PTPRM: variants seen among roughly 807,000 people sequenced by gnomAD.
PTPRM encodes the protein receptor-type tyrosine-protein phosphatase mu.
PTPRM carries 47 observed loss-of-function variants against 186.7 expected under a neutral mutation model. The ratio of observed to expected loss-of-function variants is 0.25; its 90% CI spans 0.20 to 0.32. The LOEUF is 0.32. Ranked by LOEUF, PTPRM falls within the 10% of genes least tolerant of loss-of-function variation. PTPRM has a pLI of 1.00. For missense variants in PTPRM, 1,494 were observed against 1,865.0 expected, an observed-to-expected ratio of 0.80 and a Z score of 3.66; for synonymous variants, 668 against 674.9, an observed-to-expected ratio of 0.99 and a Z score of 0.16.
intron 9 of PTPRM, among the ~76,000 whole-genome samples, chr18:8,081,981 A>C (rs1024182740): frequency 3.9e-5 from 6 of 152,152 alleles, no homozygotes; most frequent in African/African-American, 1.4e-4. Context: ...CAAGGCTTTC[A>C]GCAAGTCCAA....
At chr18:8,077,816 C>T (rs552922398) in intron 9 of PTPRM, among the ~76,000 whole-genome samples, 118 of 152,178 alleles carry the variant, frequency 7.8e-4, no homozygotes, top group Non-Finnish European at 1.5e-3. Flanking sequence ...ATGTTGCTAT[C>T]TAGACAGACA....
intron 7 of PTPRM, among the ~76,000 whole-genome samples, chr18:7,999,146 A>C (rs2083719166): frequency 6.6e-6 from 1 of 152,164 alleles, no homozygotes; most frequent in Admixed American, 6.6e-5. Context: ...GAGTGCACTC[A>C]CATAGCCCCA....
intron 14 of PTPRM, among the ~76,000 whole-genome samples, chr18:8,235,827 G>C (rs1303600975): frequency 3.3e-5 from 5 of 151,282 alleles, no homozygotes; most frequent in Non-Finnish European, 5.9e-5. Context: ...TTTCTTTTTT[G>C]ACCTGTGTTT....
At chr18:8,018,992 A>G (rs2085047336) in intron 7 of PTPRM, among the ~76,000 whole-genome samples, 1 of 152,214 alleles carries the variant, frequency 6.6e-6, no homozygotes, top group Non-Finnish European at 1.5e-5. Context: ...ATAACATCCA[A>G]AACCAGTATA....
At chr18:7,837,646 G>C (rs2046118280) in intron 2 of PTPRM, among the ~76,000 whole-genome samples, 2 of 151,948 alleles carry the variant, frequency 1.3e-5, no homozygotes, top group Non-Finnish European at 1.5e-5. Context: ...GTAGAGACAG[G>C]GTTTCACCAT....
intron 1 of PTPRM, among the ~76,000 whole-genome samples, chr18:7,760,246 CT>C (rs2041703797): frequency 6.6e-6 from 1 of 152,056 alleles, no homozygotes; most frequent in Non-Finnish European, 1.5e-5. Context: ...CTGATCTAAC[CT>C]TAATTATGTT....
chr18:8,248,247 G>T, intron 17 of PTPRM, 71 bp downstream of exon 17: 1 of 1,364,254 alleles, frequency 7.3e-7, no homozygotes. Context: ...CTCTGTAGGA[G>T]ATTGGAGTTT....
At position 7,580,342 on chromosome 18, in the gene PTPRM, G is replaced by T. The variant is rs77459661; in HGVS notation, c.73+12451G>T. 2.0e-3 allele frequency among the ~76,000 whole-genome samples: 307 copies of T among 152,306 alleles called. 1 individual carries two copies. Among genetic ancestry groups the T allele is most frequent in the African/African-American group, 6.5e-3 (269 of 41,572 alleles). On this transcript the variant is annotated intron_variant, in intron 1 of 32. Transcript: ENST00000580170. Reference sequence around the variant, plus strand: ...GGTTGCTTGCTAACAAGAAGTGGGTGTTGAAGGGCTGTCTGCAAGATTTTA... The same window carrying T: ...GGTTGCTTGCTAACAAGAAGTGGGTTTTGAAGGGCTGTCTGCAAGATTTTA...
chr18:8,253,175 C>T (rs540238436), intron 18 of PTPRM, 52 bp from the exon 19 acceptor site: 20 of 1,306,700 alleles, frequency 1.5e-5, no homozygotes, highest in Admixed American at 3.6e-5. Context: ...TCAGTGATGC[C>T]GACCTAGCTC....
At chr18:8,216,255 T>C (rs2094084414) in intron 14 of PTPRM, among the ~76,000 whole-genome samples, 1 of 152,232 alleles carries the variant, frequency 6.6e-6, no homozygotes, top group Non-Finnish European at 1.5e-5. Context: ...ATATCCTCTG[T>C]ATCTGGAATT....
At chr18:8,111,796 T>G (rs906460412) in intron 11 of PTPRM, among the ~76,000 whole-genome samples, 1 of 152,172 alleles carries the variant, frequency 6.6e-6, no homozygotes, top group African/African-American at 2.4e-5. Flanking sequence ...CTCAAATAAA[T>G]TAATTGAAAT....
At chr18:8,066,187 A>T (rs952496277) in intron 7 of PTPRM, among the ~76,000 whole-genome samples, 6 of 152,240 alleles carry the variant, frequency 3.9e-5, no homozygotes, top group African/African-American at 1.4e-4. Flanking sequence ...CAATTTGCTT[A>T]GTATGAGAAT....
chr18:8,122,939 T>G (rs2092226799), intron 13 of PTPRM, among the ~76,000 whole-genome samples: 1 of 152,210 alleles, frequency 6.6e-6, no homozygotes, highest in Admixed American at 6.5e-5. Flanking sequence ...GCAAGTCAAA[T>G]GCTTTGAATA....
chr18:8,313,681 G>A lies in PTPRM; in HGVS notation c.2843-1100G>A, dbSNP rs929681246. Among the ~76,000 whole-genome samples, 9 of 151,668 alleles carry A rather than the reference G, an allele frequency of 5.9e-5. No individual in the cohort carries two copies. In the South Asian group the frequency reaches 8.3e-4, roughly 14 times the overall value. On this transcript the variant is annotated intron_variant, in intron 20 of 32. Transcript: ENST00000580170. Reference sequence around the variant, plus strand: ...TAGTGGTGATTTCTGAGATTTTGGCGCACCCGTCACCCAGGCAGTGTACAC... The same window carrying A: ...TAGTGGTGATTTCTGAGATTTTGGCACACCCGTCACCCAGGCAGTGTACAC...
At chr18:7,739,838 T>C (rs2040851898) in intron 1 of PTPRM, among the ~76,000 whole-genome samples, 1 of 152,222 alleles carries the variant, frequency 6.6e-6, no homozygotes, top group Non-Finnish European at 1.5e-5. Context: ...CTATAGGTAA[T>C]GTCTTTTCCT....
chr18:7,793,990 CG>C (rs2043472738), intron 2 of PTPRM, among the ~76,000 whole-genome samples: 1 of 152,192 alleles, frequency 6.6e-6, no homozygotes, highest in Non-Finnish European at 1.5e-5. Context: ...GCCTACGGAA[CG>C]ATGCGGAGGT....
chr18:8,158,152 C>T (rs1039962998), intron 14 of PTPRM, among the ~76,000 whole-genome samples: 10 of 152,212 alleles, frequency 6.6e-5, no homozygotes, highest in African/African-American at 2.4e-4. Flanking sequence ...ATTAGCATAG[C>T]TTATTAAAAC....
chr18:7,758,204 G>A (rs2041599680), intron 1 of PTPRM, among the ~76,000 whole-genome samples: 1 of 152,192 alleles, frequency 6.6e-6, no homozygotes, highest in Non-Finnish European at 1.5e-5. Context: ...AATTTGCACA[G>A]ATACGCATTT....
At chr18:8,175,448 G>A (rs2093466747) in intron 14 of PTPRM, among the ~76,000 whole-genome samples, 1 of 152,156 alleles carries the variant, frequency 6.6e-6, no homozygotes, top group African/African-American at 2.4e-5. Flanking sequence ...ATAAGCTTCA[G>A]TGTATAATTA....
Sources: gnomAD v4.1 joint callset for allele counts (sites outside exome capture counted in the v4.1 genomes callset) on GRCh38, gnomAD v4.1.1 for gene constraint, MANE v1.5 for transcripts, NCBI Gene and HGNC (gene_info 2026-07-23, HGNC 2026-07-21) for gene names.